Variants in TUSC3 observed in about 807,000 individuals in gnomAD.
The protein encoded by TUSC3 is tumor suppressor candidate 3, also known as dolichyl-diphosphooligosaccharide--protein glycosyltransferase subunit TUSC3.
TUSC3 carries 45 observed loss-of-function variants against 44.8 expected under a neutral mutation model. That is an observed-to-expected ratio of 1.00 (90% CI 0.79 to 1.29). The LOEUF (loss-of-function observed/expected upper bound fraction) is 1.29, where lower values mean the gene tolerates loss of function less well. Ranked by LOEUF, TUSC3 falls within the 50% of genes most tolerant of loss-of-function variation. The pLI is 0.00. For missense variants in TUSC3, 519 were observed against 437.9 expected (o/e 1.19, Z -1.65); for synonymous variants, 212 against 152.9 (o/e 1.39, Z -2.85).
At chr8:15,748,985 C>G (rs1811547073) in intron 9 of TUSC3, 3 of 346,190 alleles carry the variant, frequency 8.7e-6, no homozygotes, top group Non-Finnish European at 1.7e-5. Context: ...ATTGAAAATT[C>G]AAAGGCCGCA....
intron 2 of TUSC3, among the ~76,000 whole-genome samples, chr8:15,532,880 C>T (rs544283459): frequency 6.8e-4 from 103 of 152,328 alleles, no homozygotes; most frequent in African/African-American, 2.4e-3. Flanking sequence ...GCAACCTCCA[C>T]CTCCCAGGTT....
chr8:15,693,743 G>A (rs889876571), intron 6 of TUSC3, among the ~76,000 whole-genome samples: 4 of 152,026 alleles, frequency 2.6e-5, no homozygotes, highest in African/African-American at 7.2e-5. Flanking sequence ...ATACACTTTC[G>A]AGGTTGCTTG....
chr8:15,686,268 T>C, intron 6 of TUSC3, among the ~76,000 whole-genome samples: 1 of 152,184 alleles, frequency 6.6e-6, no homozygotes, highest in East Asian at 1.9e-4. Flanking sequence ...ATAAAGCTTA[T>C]GCGTAGGCTG....
At chr8:15,831,593 T>C in the TUSC3 span, among the ~76,000 whole-genome samples, 2 of 152,122 alleles carry the variant, frequency 1.3e-5, no homozygotes, top group Admixed American at 6.6e-5. Context: ...ATAGCCAGTA[T>C]AGAAAAGAAC....
chr8:15,629,625 C>G (rs1173570164), intron 2 of TUSC3, among the ~76,000 whole-genome samples: 1 of 140,446 alleles, frequency 7.1e-6, no homozygotes, highest in South Asian at 2.2e-4. Flanking sequence ...TGGACCACTT[C>G]TGTAACACTG....
chr8:15,507,051 C>G (rs974239712), intron 2 of TUSC3, among the ~76,000 whole-genome samples: 2 of 152,150 alleles, frequency 1.3e-5, no homozygotes, highest in South Asian at 4.1e-4. Context: ...TTTGAAGGCT[C>G]CCATGTATAC....
chr8:15,707,077 CT>C (rs1448840947), intron 6 of TUSC3, among the ~76,000 whole-genome samples: 1 of 151,886 alleles, frequency 6.6e-6, no homozygotes, highest in Non-Finnish European at 1.5e-5. Context: ...TGTCTCAAAG[CT>C]TTATCACCAT....
chr8:15,761,186 C>T (rs774565827), intron 10 of TUSC3, among the ~76,000 whole-genome samples: 1 of 152,154 alleles, frequency 6.6e-6, no homozygotes, highest in Non-Finnish European at 1.5e-5. Flanking sequence ...AAGTAATAAA[C>T]TTGCTAATAA....
chr8:15,833,838 A>C, the TUSC3 span, among the ~76,000 whole-genome samples: 4 of 68,538 alleles, frequency 5.8e-5, no homozygotes, highest in African/African-American at 1.2e-4. Flanking sequence ...CTGAACTTAA[A>C]AGTTAAAAAA....
intron 2 of TUSC3, among the ~76,000 whole-genome samples, chr8:15,517,840 AT>A (rs1342911396): frequency 6.6e-6 from 1 of 151,768 alleles, no homozygotes; most frequent in African/African-American, 2.4e-5. Context: ...ATTTATTATC[AT>A]TTTTTCTTCT....
rs1495092 is a variant in TUSC3 at position 15,433,929 on chromosome 8, C to T, written n.91+16624C>T. 7.7e-3 allele frequency among the ~76,000 whole-genome samples: 1,165 copies of T among 152,110 alleles called. 9 individuals carry two copies. Among genetic ancestry groups the T allele is most frequent in the Middle Eastern group, 0.027 (8 of 294 alleles). ...AACATAAAGCTAGGAATATTTTGTACAGAGCTTTCTGTGGATATGTGTTTT... is the reference window on the plus strand; with the variant it reads ...AACATAAAGCTAGGAATATTTTGTATAGAGCTTTCTGTGGATATGTGTTTT... On this transcript the variant is annotated intron_variant and non_coding_transcript_variant, in intron 1 of 5. Coordinates refer to the TUSC3 transcript ENST00000503191.
At chr8:15,740,470 T>C (rs563556837) in intron 7 of TUSC3, among the ~76,000 whole-genome samples, 76 of 151,424 alleles carry the variant, frequency 5.0e-4, no homozygotes, top group Admixed American at 4.1e-3. Flanking sequence ...AAAAAAATGT[T>C]GTCCTCCAAG....
chr8:15,526,416 C>G (rs1801373607), intron 2 of TUSC3, among the ~76,000 whole-genome samples: 1 of 152,102 alleles, frequency 6.6e-6, no homozygotes, highest in Non-Finnish European at 1.5e-5. Context: ...TATGATTTTG[C>G]TGTGTTCCTA....
intron 1 of TUSC3, among the ~76,000 whole-genome samples, chr8:15,551,850 CT>C (rs1802071530): frequency 6.6e-6 from 1 of 151,750 alleles, no homozygotes; most frequent in African/African-American, 2.4e-5. Flanking sequence ...AAAGTTACTT[CT>C]GTTGAGTTAG....
chr8:15,641,854 T>G (rs1215318999), intron 2 of TUSC3, among the ~76,000 whole-genome samples: 1 of 152,170 alleles, frequency 6.6e-6, no homozygotes, highest in Non-Finnish European at 1.5e-5. Flanking sequence ...ATTTTATATG[T>G]ATCTAAAGGC....
At chr8:15,783,549 C>G in the TUSC3 span, among the ~76,000 whole-genome samples, 33,818 of 151,780 alleles carry the variant, frequency 0.22, 4,105 homozygotes, top group Admixed American at 0.36. Context: ...GAATAGGATA[C>G]AGACTCTAGA....
intron 1 of TUSC3, among the ~76,000 whole-genome samples, chr8:15,431,802 G>C: frequency 1.1e-5 from 1 of 89,184 alleles, no homozygotes. Flanking sequence ...CTGTGGGCTT[G>C]TCATATATGG....
At chr8:15,569,816 C>T (rs1802804972) in intron 1 of TUSC3, among the ~76,000 whole-genome samples, 1 of 152,098 alleles carries the variant, frequency 6.6e-6, no homozygotes, top group African/African-American at 2.4e-5. Context: ...TACCGTGTCA[C>T]ACTCTTGTGT....
chr8:15,735,860 C>T (rs1019381840), intron 7 of TUSC3, among the ~76,000 whole-genome samples: 26 of 146,882 alleles, frequency 1.8e-4, no homozygotes, highest in African/African-American at 5.6e-4. Flanking sequence ...CTGCCACACC[C>T]GGCTAATGGG....
Sources: allele counts gnomAD v4.1 joint callset (sites outside exome capture counted in the v4.1 genomes callset), GRCh38; gene constraint gnomAD v4.1.1; transcripts MANE v1.5; gene names NCBI Gene and HGNC (gene_info 2026-07-23, HGNC 2026-07-21).